Variants in VWC2L observed in about 807,000 individuals in gnomAD.
The protein encoded by VWC2L is von Willebrand factor C domain-containing protein 2-like.
VWC2L carries 10 observed loss-of-function variants against 21.6 expected under a neutral mutation model. The observed-to-expected ratio is 0.46, with a 90% CI of 0.29 to 0.78. VWC2L has a LOEUF of 0.78. Ranked by LOEUF, VWC2L falls within the 30% of genes least tolerant of loss-of-function variation. The pLI is 0.10. For synonymous variants in VWC2L, 96 were observed against 94.3 expected, an observed-to-expected ratio of 1.02 and a Z score of -0.10; for missense variants, 209 against 277.1, an observed-to-expected ratio of 0.75 and a Z score of 1.74.
chr2:214,471,152 T>C, intron 3 of VWC2L, among the ~76,000 whole-genome samples: 1 of 152,138 alleles, frequency 6.6e-6, no homozygotes, highest in Middle Eastern at 3.2e-3. Context: ...AACATGACAC[T>C]ATCCAGGTTT....
At chr2:214,505,488 C>CT (rs1472466902) in intron 3 of VWC2L, among the ~76,000 whole-genome samples, 6 of 151,466 alleles carry the variant, frequency 4.0e-5, no homozygotes, top group East Asian at 3.9e-4. Flanking sequence ...TGTTTTTTTC[C>CT]TTTTTTTTCT....
chr2:214,425,304 G>A (rs1460487841), intron 2 of VWC2L, among the ~76,000 whole-genome samples: 4 of 152,110 alleles, frequency 2.6e-5, no homozygotes, highest in Non-Finnish European at 4.4e-5. Context: ...TAATCAGTGC[G>A]TGGTCTCAGG....
At chr2:214,468,375 A>C (rs752406482) in intron 3 of VWC2L, among the ~76,000 whole-genome samples, 2 of 152,178 alleles carry the variant, frequency 1.3e-5, no homozygotes, top group African/African-American at 4.8e-5. Context: ...TAAAAATGTG[A>C]AATGCTGTTC....
intron 3 of VWC2L, among the ~76,000 whole-genome samples, chr2:214,491,784 C>A (rs894691135): frequency 6.6e-6 from 1 of 152,080 alleles, no homozygotes; most frequent in Admixed American, 6.6e-5. Flanking sequence ...GTTACTTAAC[C>A]TCCTGAGTTT....
intron 2 of VWC2L, among the ~76,000 whole-genome samples, chr2:214,421,785 TA>T (rs56796161): frequency 6.6e-6 from 1 of 151,230 alleles, no homozygotes; most frequent in African/African-American, 2.4e-5. Context: ...TTGGATATGT[TA>T]AAAAAAATTG....
chr2:214,527,967 C>T (rs1689370860), intron 3 of VWC2L, among the ~76,000 whole-genome samples: 1 of 152,122 alleles, frequency 6.6e-6, no homozygotes, highest in Non-Finnish European at 1.5e-5. Context: ...CTATCATTTA[C>T]AATAAATTAC....
chr2:214,503,080 T>C (rs1688918229), intron 3 of VWC2L, among the ~76,000 whole-genome samples: 1 of 152,232 alleles, frequency 6.6e-6, no homozygotes, highest in Non-Finnish European at 1.5e-5. Context: ...TACCATCGTA[T>C]CTAGGCACGT....
intron 3 of VWC2L, among the ~76,000 whole-genome samples, chr2:214,447,114 A>G (rs1278445460): frequency 1.3e-5 from 2 of 152,074 alleles, no homozygotes; most frequent in African/African-American, 2.4e-5. Context: ...TCACCTTGGG[A>G]GTTGGATATA....
At chr2:214,501,055 G>A (rs112078600) in intron 3 of VWC2L, among the ~76,000 whole-genome samples, 2 of 152,174 alleles carry the variant, frequency 1.3e-5, no homozygotes, top group Admixed American at 1.3e-4. Flanking sequence ...TATCATTTTA[G>A]TTACTTATAG....
intron 3 of VWC2L, among the ~76,000 whole-genome samples, chr2:214,494,061 A>G (rs1039425533): frequency 6.6e-6 from 1 of 152,134 alleles, no homozygotes; most frequent in Non-Finnish European, 1.5e-5. Flanking sequence ...CTAAAGTTCA[A>G]AAGGAAATCA....
intron 3 of VWC2L, among the ~76,000 whole-genome samples, chr2:214,518,090 C>G (rs1689173688): frequency 1.3e-5 from 2 of 151,966 alleles, no homozygotes; most frequent in African/African-American, 4.8e-5. Flanking sequence ...GGCGTGAACT[C>G]AGGAGGCCGA....
intron 3 of VWC2L, among the ~76,000 whole-genome samples, chr2:214,501,721 CAA>C (rs776608301): frequency 1.3e-5 from 1 of 79,106 alleles, no homozygotes. Flanking sequence ...GACTCTGTCT[CAA>C]AAAAAAAAAA....
At chr2:214,551,989 C>A (rs1467165827) in intron 3 of VWC2L, among the ~76,000 whole-genome samples, 1 of 152,228 alleles carries the variant, frequency 6.6e-6, no homozygotes, top group African/African-American at 2.4e-5. Context: ...CCATCCTTAT[C>A]TTTGTATTGC....
chr2:214,425,604 T>TA (rs565314491), intron 2 of VWC2L, among the ~76,000 whole-genome samples: 95 of 152,296 alleles, frequency 6.2e-4, no homozygotes, highest in African/African-American at 2.0e-3. Flanking sequence ...TATTTAGGAT[T>TA]ATATTAAGTG....
At chr2:214,527,642 T>A (rs1287521626) in intron 3 of VWC2L, among the ~76,000 whole-genome samples, 2 of 152,172 alleles carry the variant, frequency 1.3e-5, no homozygotes, top group East Asian at 3.8e-4. Context: ...TGATTCCATC[T>A]TACCATCTGA....
chr2:214,542,117 T>C (rs1192728968), intron 3 of VWC2L, among the ~76,000 whole-genome samples: 1 of 152,152 alleles, frequency 6.6e-6, no homozygotes, highest in Non-Finnish European at 1.5e-5. Flanking sequence ...CCTCTTATTT[T>C]AGGTGGCTCT....
intron 3 of VWC2L, among the ~76,000 whole-genome samples, chr2:214,450,666 G>A (rs1226460461): frequency 1.3e-5 from 2 of 152,074 alleles, no homozygotes; most frequent in South Asian, 2.1e-4. Flanking sequence ...CCTAACCCAG[G>A]GAATAGAGGG....
rs1702321394 is a variant in VWC2L at position 214,414,268 on chromosome 2, T to C, written c.75T>C (p.Ser25=). 2 of 1,613,720 alleles carry C rather than the reference T, an allele frequency of 1.2e-6. No homozygotes were observed. The highest frequency in any genetic ancestry group is 1.3e-5 in the African/African-American group (1 of 74,884). ...IPGLVTSAAI[S]HEDYPADEGD... is the part of the protein sequence containing the mutation. The stretch of plus-strand genomic sequence containing the variant: ...GATTGGTCACCTCTGCTGCTATCAG[T>C]CATGAAGACTATCCTGCTGATGAAG... The change falls in exon 2 of 4, where the codon AGT becomes AGC. Residue 25 remains serine (S), a synonymous_variant. Transcript: ENST00000312504.
intron 3 of VWC2L, among the ~76,000 whole-genome samples, chr2:214,502,252 C>A (rs1220686056): frequency 6.6e-6 from 1 of 151,986 alleles, no homozygotes; most frequent in African/African-American, 2.4e-5. Context: ...TTTGTTCATG[C>A]AAAGTGTAAA....
Sources: gnomAD v4.1 joint callset for allele counts (sites outside exome capture counted in the v4.1 genomes callset) on GRCh38, gnomAD v4.1.1 for gene constraint, MANE v1.5 for transcripts, NCBI Gene and HGNC (gene_info 2026-07-23, HGNC 2026-07-21) for gene names.